Variants in NLGN4Y observed in about 807,000 individuals in gnomAD.
NLGN4Y encodes the protein neuroligin-4, Y-linked.
In NLGN4Y, 4 loss-of-function variants were observed where a neutral mutation model predicts 8.4. That is an observed-to-expected ratio of 0.48 (90% CI 0.23 to 1.09). The LOEUF is 1.09. Ranked by LOEUF, NLGN4Y falls within the 50% of genes least tolerant of loss-of-function variation. NLGN4Y has a pLI of 0.19. For synonymous variants in NLGN4Y, 35 were observed against 75.6 expected (o/e 0.46, Z 2.78); for missense variants, 90 against 192.3 (o/e 0.47, Z 3.15).
At chrY:14,611,049 T>A in intron 1 of NLGN4Y, among the ~76,000 whole-genome samples, 1 of 33,102 alleles carries the variant, frequency 3.0e-5, no homozygotes, top group Non-Finnish European at 7.4e-5. Context: ...ACCCCTGCTT[T>A]TCTTTGCTTT....
chrY:14,546,401 A>T, intron 1 of NLGN4Y, among the ~76,000 whole-genome samples: 1 of 32,850 alleles, frequency 3.0e-5, no homozygotes. Flanking sequence ...GATTCTTCCT[A>T]CCCATGAGCA....
intron 1 of NLGN4Y, among the ~76,000 whole-genome samples, chrY:14,594,650 A>G: frequency 3.0e-5 from 1 of 33,196 alleles, no homozygotes; most frequent in African/African-American, 1.2e-4. Context: ...TTGGGTAATA[A>G]ACATATCTTT....
In NLGN4Y at chrY:14,786,809, C is replaced by G. The variant is rs760144590; in HGVS notation, c.686-37379C>G. Among the ~76,000 whole-genome samples the G allele has an allele frequency of 7.3e-4, 24 of 32,750 alleles. No homozygotes were observed. The East Asian group carries it at 0.018, about 24-fold the overall frequency. The allele number at this position is 32,750 out of a possible 37,273, so 87.9% of individuals were successfully genotyped here. A position where few individuals can be genotyped will look rare whatever the true frequency, so the allele number is the denominator to read the frequency against. On this transcript the variant is annotated intron_variant, in intron 4 of 6. Coordinates refer to ENST00000684976, the MANE Select transcript of NLGN4Y (RefSeq NM_001365588.1). ...TACTTGACTTCCTGCAGAACCTCCA[C>G]ATTTCTTATGAGCTTCCATTTTTCT...
chrY:14,542,309 A>G, intron 1 of NLGN4Y, among the ~76,000 whole-genome samples: 3 of 33,597 alleles, frequency 8.9e-5, no homozygotes, highest in Admixed American at 8.1e-4. Flanking sequence ...ACAAGTTCTT[A>G]GAGACCTACA....
At chrY:14,592,026 A>G (rs765489127) in intron 1 of NLGN4Y, among the ~76,000 whole-genome samples, 7 of 33,023 alleles carry the variant, frequency 2.1e-4, no homozygotes, top group African/African-American at 8.3e-4. Flanking sequence ...ATACACAGCC[A>G]ACAGTCATTT....
At chrY:14,720,421 G>GT (rs373172408) in intron 3 of NLGN4Y, among the ~76,000 whole-genome samples, 6,593 of 32,520 alleles carry the variant, frequency 0.2, no homozygotes, top group African/African-American at 0.65. Context: ...TTTTGTTCTT[G>GT]TTTTTTTAAA....
intron 2 of NLGN4Y, among the ~76,000 whole-genome samples, chrY:14,667,733 G>T: frequency 2.9e-5 from 1 of 33,946 alleles, no homozygotes; most frequent in Non-Finnish European, 7.3e-5. Context: ...ATCAGAGAGG[G>T]TGTGCAGTCA....
chrY:14,728,861 A>T, intron 4 of NLGN4Y, among the ~76,000 whole-genome samples: 1 of 33,422 alleles, frequency 3.0e-5, no homozygotes, highest in Non-Finnish European at 7.4e-5. Context: ...GACTATTCTT[A>T]AGGCCACTCA....
chrY:14,577,683 G>T (rs2080303487), intron 1 of NLGN4Y, among the ~76,000 whole-genome samples: 1 of 34,020 alleles, frequency 2.9e-5, no homozygotes, highest in Non-Finnish European at 7.3e-5. Context: ...TCTCATTCTA[G>T]GTCCTTGAGG....
chrY:14,573,705 AT>A (rs2080284588), intron 1 of NLGN4Y, among the ~76,000 whole-genome samples: 1 of 32,707 alleles, frequency 3.1e-5, no homozygotes, highest in African/African-American at 1.2e-4. Flanking sequence ...TCAATTTTAG[AT>A]TTTTCCTGCT....
chrY:14,836,622 T>A, intron 6 of NLGN4Y, among the ~76,000 whole-genome samples: 1 of 31,459 alleles, frequency 3.2e-5, no homozygotes, highest in Non-Finnish European at 7.7e-5. Flanking sequence ...GCATCCCAAG[T>A]AGCTGGGATT....
At chrY:14,670,450 G>A in intron 2 of NLGN4Y, among the ~76,000 whole-genome samples, 1 of 33,242 alleles carries the variant, frequency 3.0e-5, no homozygotes, top group East Asian at 7.9e-4. Flanking sequence ...TAGTTGAATG[G>A]CAAAACTAAA....
intron 1 of NLGN4Y, among the ~76,000 whole-genome samples, chrY:14,596,654 G>A (rs773383737): frequency 9.0e-5 from 3 of 33,391 alleles, no homozygotes; most frequent in African/African-American, 3.5e-4. Flanking sequence ...CAACTCCAAA[G>A]AGTTGGGGGT....
At chrY:14,706,994 CACATA>C (rs2080881708) in intron 2 of NLGN4Y, among the ~76,000 whole-genome samples, 1 of 19,291 alleles carries the variant, frequency 5.2e-5, no homozygotes, top group South Asian at 1.3e-3. Context: ...TATACATATA[CACATA>C]TGTGTATATA....
intron 1 of NLGN4Y, chrY:14,525,034 G>T: frequency 2.9e-5 from 3 of 103,977 alleles, no homozygotes; most frequent in South Asian, 1.4e-4. Context: ...CCGGGCCCAG[G>T]CGTACAGTTC....
intron 6 of NLGN4Y, among the ~76,000 whole-genome samples, chrY:14,832,538 C>A: frequency 2.9e-5 from 1 of 34,019 alleles, no homozygotes; most frequent in South Asian, 6.4e-4. Flanking sequence ...CTGTGCCGGG[C>A]AGAGTGGCTT....
chrY:14,721,284 G>C (rs929554681), intron 3 of NLGN4Y, among the ~76,000 whole-genome samples: 2 of 33,496 alleles, frequency 6.0e-5, no homozygotes, highest in Non-Finnish European at 1.5e-4. Context: ...ACAGCTGGTA[G>C]TGGTAAAAGA....
intron 1 of NLGN4Y, among the ~76,000 whole-genome samples, chrY:14,591,842 C>A: frequency 3.0e-5 from 1 of 33,243 alleles, no homozygotes; most frequent in Non-Finnish European, 7.4e-5. Context: ...TTGGGTTGCA[C>A]GTCCTGTTAG....
intron 4 of NLGN4Y, among the ~76,000 whole-genome samples, chrY:14,778,034 TATAAATAA>T (rs200967958): frequency 1.7e-3 from 36 of 20,925 alleles, no homozygotes; most frequent in African/African-American, 2.6e-3. Context: ...CCTGTCTCTG[TATAAATAA>T]ATAAATAAAT....
Sources: gnomAD v4.1 joint callset for allele counts (sites outside exome capture counted in the v4.1 genomes callset) on GRCh38, gnomAD v4.1.1 for gene constraint, MANE v1.5 for transcripts, NCBI Gene and HGNC (gene_info 2026-07-23, HGNC 2026-07-21) for gene names.